Variants in DDA1 observed in about 807,000 individuals in gnomAD.
DDA1 encodes the protein DET1 and DDB1 associated 1, also known as DET1- and DDB1-associated protein 1.
In DDA1, 3 loss-of-function variants were observed where a neutral mutation model predicts 18.6. The ratio of observed to expected loss-of-function variants is 0.16; its 90% CI spans 0.07 to 0.42. The LOEUF is 0.42. Among genes scored for constraint, DDA1 ranks in the 10% least tolerant of loss-of-function variants. The probability of loss-of-function intolerance (pLI) is 0.99; values close to 1 mark genes in which losing one functional copy is unlikely to be tolerated. For synonymous variants in DDA1, 52 were observed against 54.0 expected, an observed-to-expected ratio of 0.96 and a Z score of 0.17; for missense variants, 105 against 138.2, an observed-to-expected ratio of 0.76 and a Z score of 1.20.
chr19:17,319,967 T>A lies in DDA1; in HGVS notation c.*311T>A. 6.9e-6 allele frequency: 2 copies of A among 288,584 alleles called. No homozygotes were observed. Among genetic ancestry groups the A allele is most frequent in the Non-Finnish European group, 1.3e-5 (2 of 150,202 alleles). The allele number at this position is 288,584 out of a possible 1,614,324, so 17.9% of individuals were successfully genotyped here. A position where few individuals can be genotyped will look rare whatever the true frequency, so the allele number is the denominator to read the frequency against. ...TCCATCGGGCCAGTTCCCCGATTCC[T>A]GCCCCCAGTTCTCCAGAGAACCAGA... On this transcript the variant is annotated 3_prime_UTR_variant, in exon 5 of 5. Coordinates refer to ENST00000359866, the MANE Select transcript of DDA1 (RefSeq NM_024050.6).
At chr19:17,313,320 A>G (rs2074187349) in intron 1 of DDA1, among the ~76,000 whole-genome samples, 1 of 151,786 alleles carries the variant, frequency 6.6e-6, no homozygotes, top group South Asian at 2.1e-4. Context: ...GAGATCATAC[A>G]TAGTGAGCTC....
chr19:17,319,140 G>A (rs1211710368), intron 4 of DDA1, among the ~76,000 whole-genome samples: 1 of 152,130 alleles, frequency 6.6e-6, no homozygotes, highest in African/African-American at 2.4e-5. Context: ...GCATGTGGTG[G>A]GGGTGACTCC....
intron 4 of DDA1, among the ~76,000 whole-genome samples, chr19:17,316,715 A>C (rs1454097473): frequency 6.6e-6 from 1 of 150,794 alleles, no homozygotes; most frequent in Admixed American, 6.6e-5. Flanking sequence ...TCTACTAAAA[A>C]ATACAAAAAA....
intron 4 of DDA1, among the ~76,000 whole-genome samples, chr19:17,317,351 T>C (rs530617016): frequency 1.7e-3 from 251 of 152,038 alleles, no homozygotes; most frequent in African/African-American, 5.7e-3. Context: ...CTACTAAAAA[T>C]ACAAAAAATT....
At chr19:17,317,007 A>G (rs1209706549) in intron 4 of DDA1, among the ~76,000 whole-genome samples, 1 of 152,162 alleles carries the variant, frequency 6.6e-6, no homozygotes, top group African/African-American at 2.4e-5. Flanking sequence ...CAGGCGGATC[A>G]CGAGGTCAGA....
chr19:17,310,592 C>G (rs189571044), intron 1 of DDA1, among the ~76,000 whole-genome samples: 75 of 152,278 alleles, frequency 4.9e-4, no homozygotes, highest in Non-Finnish European at 1.0e-3. Flanking sequence ...CAAGATACCT[C>G]AAGTCTCCTT....
At chr19:17,315,753 A>C in intron 3 of DDA1, 181 bp from the exon 4 acceptor site, 1 of 672,510 alleles carries the variant, frequency 1.5e-6, no homozygotes, top group Non-Finnish European at 2.6e-6. Flanking sequence ...CCCTGAAAGC[A>C]GCTGGCTCAG....
rs538368336 is a variant in DDA1, at chr19:17,315,305, T to C, written c.137-629T>C. 1.0e-4 allele frequency among the ~76,000 whole-genome samples: 2 copies of C among 19,334 alleles called. 1 individual carries two copies. The highest frequency in any genetic ancestry group is 6.7e-4 in the East Asian group (2 of 2,978). 12.7% of individuals were successfully genotyped at this position (19,334 alleles called of 152,430 possible). On this transcript the variant is annotated intron_variant, in intron 3 of 4. Transcript: ENST00000359866. Reference sequence around the variant, plus strand: ...CACACACTATATATATACACACGTGTATATATATACACGCTATATATATAC... The same window carrying C: ...CACACACTATATATATACACACGTGCATATATATACACGCTATATATATAC...
At chr19:17,317,668 TA>T (rs34303101) in intron 4 of DDA1, among the ~76,000 whole-genome samples, 19,173 of 97,708 alleles carry the variant, frequency 0.2, 1,248 homozygotes, top group Non-Finnish European at 0.22. Context: ...ACTCCATCAC[TA>T]AAAAAAAAAA....
chr19:17,319,496 G>T, intron 4 of DDA1, 50 bp from the exon 5 acceptor site: 2 of 1,497,312 alleles, frequency 1.3e-6, no homozygotes, highest in South Asian at 2.4e-5. Flanking sequence ...GAAGGTTGAG[G>T]CTGTCCGAAA....
chr19:17,313,675 G>A (rs1041370503), intron 1 of DDA1, among the ~76,000 whole-genome samples: 5 of 152,004 alleles, frequency 3.3e-5, no homozygotes, highest in Admixed American at 6.6e-5. Context: ...ACTCCTGACC[G>A]CAGATGATGC....
At chr19:17,315,707 C>G (rs1022249222) in intron 3 of DDA1, 3 of 617,510 alleles carry the variant, frequency 4.9e-6, no homozygotes, top group African/African-American at 3.7e-5. Context: ...GGCTTGGTCC[C>G]CCACCAAGGG....
chr19:17,315,195 G>A (rs1386067780), intron 3 of DDA1, among the ~76,000 whole-genome samples: 12 of 16,654 alleles, frequency 7.2e-4, no homozygotes, highest in African/African-American at 1.4e-3. Context: ...ATACACACAC[G>A]TGTATACACA....
At chr19:17,309,734 C>A (rs1012598681) in intron 1 of DDA1, 77 bp downstream of exon 1, 2 of 1,539,228 alleles carry the variant, frequency 1.3e-6, no homozygotes, top group Non-Finnish European at 1.8e-6. Flanking sequence ...CTCTAGTATC[C>A]CCCTAGGCCC....
At chr19:17,311,852 G>A (rs1285695264) in intron 1 of DDA1, among the ~76,000 whole-genome samples, 2 of 152,160 alleles carry the variant, frequency 1.3e-5, no homozygotes, top group Non-Finnish European at 2.9e-5. Flanking sequence ...GTCTGCTGAG[G>A]CACCTGTGAG....
intron 3 of DDA1, among the ~76,000 whole-genome samples, chr19:17,315,429 CAT>C (rs56662339): frequency 0.02 from 1,026 of 51,898 alleles, 86 homozygotes; most frequent in African/African-American, 0.063. Context: ...TGTGTGTGTG[CAT>C]ATATATATAT....
chr19:17,314,768 C>T lies in DDA1; in HGVS notation c.136+379C>T. On this transcript the variant is annotated intron_variant, in intron 3 of 4. Transcript: ENST00000359866. This position sits in a 1 kb window ranked among gnomAD's most constrained non-coding sequence, Gnocchi z 4.6. ...CTTTCCCCTCCCTGTCAGATGAGGT[C>T]AAGCGAGAACTCTGGTTCTAAGACA... The T allele has an allele frequency of 3.6e-6, 1 of 274,336 alleles. No homozygotes were observed. Among genetic ancestry groups the T allele is most frequent in the South Asian group, 4.0e-5 (1 of 25,286 alleles). 17.0% of individuals were successfully genotyped at this position (274,336 alleles called of 1,614,324 possible). A position where few individuals can be genotyped will look rare whatever the true frequency, so the allele number is the denominator to read the frequency against.
In DDA1 at chr19:17,316,451, G is replaced by A. The variant is rs983447611; in HGVS notation, c.198+456G>A. 1.8e-4 allele frequency among the ~76,000 whole-genome samples: 28 copies of A among 151,708 alleles called. No individual in the cohort carries two copies. The East Asian group carries it at 4.7e-3, about 25-fold the overall frequency. On this transcript the variant is annotated intron_variant, in intron 4 of 4. Transcript: ENST00000359866. The stretch of plus-strand genomic sequence containing the variant: ...AAAAATTAGCTGGGCGTGGTGGCAC[G>A]TGACTGTAATCCCAGCTACTTGGGA...
intron 4 of DDA1, among the ~76,000 whole-genome samples, chr19:17,318,241 A>T (rs1001705172): frequency 6.6e-6 from 1 of 150,750 alleles, no homozygotes; most frequent in Non-Finnish European, 1.5e-5. Context: ...TTATTTATTT[A>T]TTTTTTTGAG....
Sources: gnomAD v4.1 joint callset for allele counts (sites outside exome capture counted in the v4.1 genomes callset) on GRCh38, gnomAD v4.1.1 for gene constraint, Gnocchi (gnomAD v3.1) non-coding constraint, MANE v1.5 for transcripts, NCBI Gene and HGNC (gene_info 2026-07-23, HGNC 2026-07-21) for gene names.